Variants in CAMTA2 observed in about 807,000 individuals in gnomAD.
The protein encoded by CAMTA2 is calmodulin binding transcription activator 2.
In CAMTA2, 56 loss-of-function variants were observed where a neutral mutation model predicts 135.7. The ratio of observed to expected loss-of-function variants is 0.41; its 90% CI spans 0.33 to 0.52. CAMTA2 has a LOEUF of 0.52. CAMTA2 is among the 20% of genes least tolerant of loss of function. The probability of loss-of-function intolerance (pLI) is 0.16; values close to 1 mark genes in which losing one functional copy is unlikely to be tolerated. For missense variants in CAMTA2, 1,358 were observed against 1,553.4 expected, an observed-to-expected ratio of 0.87 and a Z score of 2.11; for synonymous variants, 591 against 604.6, an observed-to-expected ratio of 0.98 and a Z score of 0.33.
chr17:4,987,601 G>T lies in CAMTA2; in HGVS notation c.-73C>A, dbSNP rs1265778059. The T allele has an allele frequency of 1.3e-6, 2 of 1,527,474 alleles. No individual in the cohort carries two copies. The highest frequency in any genetic ancestry group is 2.5e-5 in the East Asian group (1 of 39,760). 94.6% of individuals were successfully genotyped at this position (1,527,474 alleles called of 1,614,324 possible). A position where few individuals can be genotyped will look rare whatever the true frequency, so the allele number is the denominator to read the frequency against. The stretch of plus-strand genomic sequence containing the variant: ...GAGGCCCTGGCTCTTACCTCCCGGG[G>T]TCCCGCGGGTGACGGCGGCAGCGGC... On this transcript the variant is annotated 5_prime_UTR_variant, in exon 1 of 23. Coordinates refer to ENST00000348066, the MANE Select transcript of CAMTA2 (RefSeq NM_015099.4).
chr17:4,973,320 GAAGTA>G (rs1343941878), intron 13 of CAMTA2, 67 bp from the exon 14 acceptor site: 2 of 1,327,714 alleles, frequency 1.5e-6, no homozygotes, highest in African/African-American at 1.4e-5. Context: ...AGGAACATCA[GAAGTA>G]AAGGCACTAG....
chr17:4,982,616 A>G, intron 5 of CAMTA2, 141 bp downstream of exon 5: 1 of 924,608 alleles, frequency 1.1e-6, no homozygotes, highest in African/African-American at 1.7e-5. Flanking sequence ...ATGTCAGCCG[A>G]CCCAAAGTGA....
At position 4,980,553 on chromosome 17, in the gene CAMTA2, G is replaced by T; in HGVS notation, c.769C>A (p.Arg257=). ...GGGATAGAGGTCAGGGTTAAAGCTC[G>T]GGGCTCCACTTTGGGAGAGATGATG... is the stretch of plus-strand genomic sequence containing the variant. ...HRIISPKVEP[R]ALTLTSIPHA... is the part of the protein sequence containing the mutation. The change falls in exon 9 of 23, where the codon CGA becomes AGA. Residue 257 remains arginine (R), a synonymous_variant. Transcript: ENST00000348066. The surrounding 1 kb of genome is among the most constrained non-coding windows in gnomAD (Gnocchi z 5.3). 1 of 1,613,944 alleles carries T rather than the reference G, an allele frequency of 6.2e-7. No individual in the cohort carries two copies. Among genetic ancestry groups the T allele is most frequent in the Non-Finnish European group, 8.5e-7 (1 of 1,179,928 alleles).
rs775825497 is a variant in CAMTA2 at position 4,979,741 on chromosome 17, C to G, written c.1581G>C (p.Gln527His). Residue 527 changes from glutamine (Q) to histidine (H), a missense_variant, in exon 9 of 23, where the codon CAG (glutamine) becomes CAC (histidine). Transcript: ENST00000348066. The stretch of plus-strand genomic sequence containing the variant: ...TGATGGTGCTAAGAGCAGGAGACAG[C>G]TGGGGGGTCGGAGCAGGGATGCTTG... ...EAPSIPAPTP[Q>H]LSPALSTITD... 3 of 1,614,052 alleles carry G rather than the reference C, an allele frequency of 1.9e-6. No individual in the cohort carries two copies. Among genetic ancestry groups the G allele is most frequent in the South Asian group, 2.2e-5 (2 of 91,084 alleles).
Position 4,972,446 on chromosome 17 carries a change from G to T in CAMTA2, c.2594C>A (p.Pro865His), listed in dbSNP as rs779062904. The T allele has an allele frequency of 8.1e-6, 13 of 1,613,824 alleles. No individual in the cohort carries two copies. Among genetic ancestry groups the T allele is most frequent in the East Asian group, 4.5e-5 (2 of 44,868 alleles). ...AYSSAPDGSP[P>H]PAPLPASEMT... ...CTCAGAGGCTGGCAGAGGTGCAGGGGGGGGACTGCCATCTGGGGCACTAGA... is the reference window on the plus strand; with the variant it reads ...CTCAGAGGCTGGCAGAGGTGCAGGGTGGGGACTGCCATCTGGGGCACTAGA... Residue 865 changes from proline to histidine, a missense_variant, in exon 16 of 23, where the codon CCC becomes CAC. Pro to His is a moderately conservative substitution (Grantham distance 77). Transcript: ENST00000348066.
intron 15 of CAMTA2, 73 bp from the exon 16 acceptor site, chr17:4,972,609 C>A: frequency 6.6e-7 from 1 of 1,518,274 alleles, no homozygotes; most frequent in South Asian, 1.1e-5. Context: ...CTGCCTTCCC[C>A]ATCCTGTTCT....
At chr17:4,971,497 C>T (rs1972282253) in intron 16 of CAMTA2, among the ~76,000 whole-genome samples, 1 of 152,040 alleles carries the variant, frequency 6.6e-6, no homozygotes, top group African/African-American at 2.4e-5. Context: ...GTGTGTGCCA[C>T]CATGCCTATT....
intron 13 of CAMTA2, 36 bp from the exon 14 acceptor site, chr17:4,973,289 G>T: frequency 6.5e-7 from 1 of 1,539,456 alleles, no homozygotes. Context: ...AGAGCCCAAT[G>T]AGGGAAAAAG....
chr17:4,974,412 G>A lies in CAMTA2; in HGVS notation c.1989C>T (p.Cys663=). ...AEIAAAGQVP[C]QGPDAPPVQD... is the part of the protein sequence containing the mutation. Reference sequence around the variant, plus strand: ...GAACTGGAGGAGCATCAGGACCCTGGCAAGGCACCTGCCCAGCTGCTGCGA... The same window carrying A: ...GAACTGGAGGAGCATCAGGACCCTGACAAGGCACCTGCCCAGCTGCTGCGA... The change falls in exon 12 of 23, where the codon TGC becomes TGT. Residue 663 remains cysteine, a synonymous_variant. Transcript: ENST00000348066. The A allele has an allele frequency of 1.9e-6, 3 of 1,613,310 alleles. No individual in the cohort carries two copies. Among genetic ancestry groups the A allele is most frequent in the Non-Finnish European group, 2.5e-6 (3 of 1,179,380 alleles).
Position 4,968,677 on chromosome 17 carries a change from T to G in CAMTA2, c.*79A>C, listed in dbSNP as rs1209255922. On this transcript the variant is annotated 3_prime_UTR_variant, in exon 23 of 23. Transcript: ENST00000348066. ...GAACAGGAAAGCTGCCGACAGGGGC[T>G]CCCCCTGCCCCAGAAAGCCCTCTCC... 1 of 1,527,272 alleles carries G rather than the reference T, an allele frequency of 6.5e-7. No homozygotes were observed. Among genetic ancestry groups the G allele is most frequent in the Non-Finnish European group, 9.0e-7 (1 of 1,108,876 alleles). 94.6% of individuals were successfully genotyped at this position (1,527,272 alleles called of 1,614,324 possible). A position where few individuals can be genotyped will look rare whatever the true frequency, so the allele number is the denominator to read the frequency against.
Position 4,972,560 on chromosome 17 carries a change from AG to A in CAMTA2, c.2504-25del, listed in dbSNP as rs1159135285. 9 of 1,593,032 alleles carry A rather than the reference AG, an allele frequency of 5.6e-6. 1 individual carries two copies. In the African/African-American group the frequency reaches 1.2e-4, roughly 21 times the overall value. ...ACCTGTGTGGGGAGGGAAGAGAGTG[AG>A]GGCAGCCGGAGCCACGGCCATCCCT... On this transcript the variant is annotated intron_variant, in intron 15 of 22. Transcript: ENST00000348066.
Position 4,970,466 on chromosome 17 carries a change from A to C in CAMTA2, c.2879T>G (p.Val960Gly). Reference sequence around the variant, plus strand: ...TGAGGCTCCAGCCTCGGGCAGCCCCACGAAGTCCTCTCGTTTAATCCGCTC... The same window carrying C: ...TGAGGCTCCAGCCTCGGGCAGCCCCCCGAAGTCCTCTCGTTTAATCCGCTC... Reference protein sequence around the residue: ...TPERIKREDFVGLPEAGASMR... With the variant: ...TPERIKREDFGGLPEAGASMR... Residue 960 changes from valine (V) to glycine (G), a missense_variant, in exon 17 of 23, where the codon GTG (valine) becomes GGG (glycine). Val to Gly is a moderately radical substitution (Grantham distance 109, BLOSUM62 -3). This residue lies in a region of CAMTA2 where 1,077 missense variants were observed against 1,127.5 expected (regional missense o/e 0.96). Transcript: ENST00000348066. The C allele has an allele frequency of 6.2e-7, 1 of 1,614,144 alleles. No individual in the cohort carries two copies. The highest frequency in any genetic ancestry group is 8.5e-7 in the Non-Finnish European group (1 of 1,180,026).
chr17:4,980,194 G>T lies in CAMTA2; in HGVS notation c.1128C>A (p.Asp376Glu). Reference sequence around the variant, plus strand: ...GGGGGCTGTTGAGAAAACGATCAGGGTCAAAGGCAGGACTGGGAGGAGCTG... The same window carrying T: ...GGGGGCTGTTGAGAAAACGATCAGGTTCAAAGGCAGGACTGGGAGGAGCTG... ...APPAPPSPAF[D>E]PDRFLNSPQR... The change falls in exon 9 of 23, where the codon GAC becomes GAA. Residue 376 changes from aspartate to glutamate, a missense_variant. By Grantham distance (45) the Asp-to-Glu change is conservative. Around this residue, in one of 4 missense-constraint regions of CAMTA2, gnomAD observed 1,077 missense variants for 1,127.5 expected, o/e 0.96. Coordinates refer to ENST00000348066, the MANE Select transcript of CAMTA2 (RefSeq NM_015099.4). This position sits in a 1 kb window ranked among gnomAD's most constrained non-coding sequence, Gnocchi z 5.3. 1.9e-6 allele frequency: 3 copies of T among 1,576,336 alleles called. No individual in the cohort carries two copies. Among genetic ancestry groups the T allele is most frequent in the Non-Finnish European group, 2.6e-6 (3 of 1,160,834 alleles).
chr17:4,981,822 T>C lies in CAMTA2; in HGVS notation c.421A>G (p.Ile141Val). The C allele has an allele frequency of 1.2e-6, 2 of 1,603,964 alleles. No individual in the cohort carries two copies. The highest frequency in any genetic ancestry group is 2.2e-5 in the South Asian group (2 of 90,552). The change falls in exon 7 of 23, where the codon ATC (isoleucine) becomes GTC (valine). Residue 141 changes from isoleucine to valine, a missense_variant. By Grantham distance (29) the Ile-to-Val change is conservative (BLOSUM62 3). Transcript: ENST00000348066. Reference sequence around the variant, plus strand: ...ACGTTCAGGTAGTGCACAAGGACGATGTCAGGGTTCTGAGAGTATAAGGGG... The same window carrying C: ...ACGTTCAGGTAGTGCACAAGGACGACGTCAGGGTTCTGAGAGTATAAGGGG... ...RCYWLLQNPD[I>V]VLVHYLNVPA...
chr17:4,969,757 G>A lies in CAMTA2; in HGVS notation c.3190-56C>T, dbSNP rs1400726283. ...ACCCACATAATGGCATATCTGACTTGTCCCTTCAACTTTCCTGGGGTTCCC... is the reference window on the plus strand; with the variant it reads ...ACCCACATAATGGCATATCTGACTTATCCCTTCAACTTTCCTGGGGTTCCC... On this transcript the variant is annotated intron_variant, in intron 18 of 22. Transcript: ENST00000348066. The surrounding 1 kb of genome is among the most constrained non-coding windows in gnomAD (Gnocchi z 5.6). The A allele has an allele frequency of 1.2e-6, 2 of 1,607,172 alleles. No homozygotes were observed. Among genetic ancestry groups the A allele is most frequent in the East Asian group, 4.5e-5 (2 of 44,802 alleles).
intron 13 of CAMTA2, 30 bp from the exon 14 acceptor site, chr17:4,973,283 C>G (rs1035290010): frequency 1.5e-5 from 23 of 1,570,950 alleles, no homozygotes; most frequent in Non-Finnish European, 2.0e-5. Flanking sequence ...GACAGCAGAG[C>G]CCAATGAGGG....
rs118117610 is a variant in CAMTA2, at chr17:4,972,723, C to G, written c.2503+46G>C. ...ACCCTTTGGCTTTGTCCTGGCCTATCCTCCTACCTACATCCCTCTCTCCAA... is the reference window on the plus strand; with the variant it reads ...ACCCTTTGGCTTTGTCCTGGCCTATGCTCCTACCTACATCCCTCTCTCCAA... On this transcript the variant is annotated intron_variant, in intron 15 of 22. Coordinates refer to ENST00000348066, the MANE Select transcript of CAMTA2 (RefSeq NM_015099.4). 794 of 1,574,736 alleles carry G rather than the reference C, an allele frequency of 5.0e-4. 2 individuals are homozygous for G. Among genetic ancestry groups the G allele is most frequent in the Middle Eastern group, 3.5e-3 (21 of 5,994 alleles).
intron 2 of CAMTA2, 48 bp downstream of exon 2, chr17:4,986,144 G>A (rs1973267005): frequency 8.3e-7 from 1 of 1,202,818 alleles, no homozygotes; most frequent in East Asian, 2.3e-5. Flanking sequence ...AAAGCGTGGG[G>A]AGAACGAAAG....
In CAMTA2 at chr17:4,972,848, G is replaced by T; in HGVS notation, c.2424C>A (p.Cys808Ter). ...HSRGHVRLAR[C>*]LEELQRQEPS... ...GCTCCTGTCTCTGTAGTTCCTCAAGGCAGCGGGCAAGGCGCACATGACCCC... is the reference window on the plus strand; with the variant it reads ...GCTCCTGTCTCTGTAGTTCCTCAAGTCAGCGGGCAAGGCGCACATGACCCC... Residue 808 changes from cysteine to a stop codon, truncating the protein, a stop_gained, in exon 15 of 23, where the codon TGC (cysteine) becomes TGA (stop). Transcript: ENST00000348066. LOFTEE classifies it high-confidence loss of function. The T allele has an allele frequency of 6.2e-7, 1 of 1,613,850 alleles. No individual in the cohort carries two copies. Among genetic ancestry groups the T allele is most frequent in the Middle Eastern group, 1.6e-4 (1 of 6,062 alleles).
Sources: allele counts gnomAD v4.1 joint callset (sites outside exome capture counted in the v4.1 genomes callset), GRCh38; gene constraint gnomAD v4.1.1; regional missense constraint gnomAD v4.1.1; non-coding constraint Gnocchi (gnomAD v3.1); transcripts MANE v1.5; gene names NCBI Gene and HGNC (gene_info 2026-07-23, HGNC 2026-07-21).